Variants in TTN observed in about 807,000 individuals in gnomAD.
TTN encodes connectin.
A neutral mutation model predicts 3,223.0 loss-of-function variants in TTN; 1,525 were observed. The ratio of observed to expected loss-of-function variants is 0.47; its 90% CI spans 0.45 to 0.49. The LOEUF (loss-of-function observed/expected upper bound fraction) is 0.49, where lower values mean the gene tolerates loss of function less well. Ranked by LOEUF, TTN falls within the 20% of genes least tolerant of loss-of-function variation. The probability of loss-of-function intolerance (pLI) is 0.00; values close to 1 mark genes in which losing one functional copy is unlikely to be tolerated. For synonymous variants in TTN, 14,094 were observed against 15,161.0 expected (o/e 0.93, Z 5.17); for missense variants, 40,786 against 43,424.0 (o/e 0.94, Z 5.40).
chr2:178,584,024 A>G, intron 311 of TTN, 118 bp from the exon 312 acceptor site: 1 of 1,214,846 alleles, frequency 8.2e-7, no homozygotes, highest in Non-Finnish European at 1.1e-6. Context: ...CAATTATCCC[A>G]TTTTAATAAC....
In TTN at chr2:178,537,975, G is replaced by C. The variant is rs534509580; in HGVS notation, c.99290-58C>G. 219 of 1,391,604 alleles carry C rather than the reference G, an allele frequency of 1.6e-4. 1 individual carries two copies. In the African/African-American group the frequency reaches 2.6e-3, roughly 17 times the overall value. 86.2% of individuals were successfully genotyped at this position (1,391,604 alleles called of 1,614,324 possible). A position where few individuals can be genotyped will look rare whatever the true frequency, so the allele number is the denominator to read the frequency against. On this transcript the variant is annotated intron_variant, in intron 354 of 362. Transcript: ENST00000589042. ...GTTAATACTCAATCTGTAATCCTTT[G>C]TCCTTGTATATCAGGAATGAATTTA...
Position 178,580,583 on chromosome 2 carries a change from C to T in TTN, c.66796G>A (p.Asp22266Asn). The change falls in exon 317 of 363, where the codon GAC (aspartate) becomes AAC (asparagine). Residue 22266 changes from aspartate to asparagine, a missense_variant. Transcript: ENST00000589042. ...LIPPEGELDA[D>N]LRKTLILRAG... is the part of the protein sequence containing the mutation. ...CGTAATATGAGTGTCTTCCTTAAGT[C>T]CGCATCAAGTTCTCCCTCAGGTGGA... is the stretch of plus-strand genomic sequence containing the variant. The T allele has an allele frequency of 6.2e-7, 1 of 1,611,146 alleles. No individual in the cohort carries two copies. The highest frequency in any genetic ancestry group is 8.5e-7 in the Non-Finnish European group (1 of 1,178,900).
Position 178,560,544 on chromosome 2 carries a change from T to C in TTN, c.85588A>G (p.Lys28530Glu). The C allele has an allele frequency of 6.2e-7, 1 of 1,613,426 alleles. No individual in the cohort carries two copies. The highest frequency in any genetic ancestry group is 2.2e-5 in the East Asian group (1 of 44,742). ...EYIFRVTGVNKYGVGEPLESV... is the reference protein window; with the variant it reads ...EYIFRVTGVNEYGVGEPLESV... The stretch of plus-strand genomic sequence containing the variant: ...TCTAGGGGCTCACCAACACCATATT[T>C]ATTAACACCAGTTACTCTAAATATA... The change falls in exon 326 of 363, where the codon AAA becomes GAA. Residue 28530 changes from lysine (K) to glutamate (E), a missense_variant. Lys to Glu is a moderately conservative substitution (Grantham distance 56). Coordinates refer to ENST00000589042, the MANE Select transcript of TTN (RefSeq NM_001267550.2).
At chr2:178,600,615 T>C (rs2053123361) in intron 288 of TTN, 3 of 531,388 alleles carry the variant, frequency 5.6e-6, no homozygotes, top group Non-Finnish European at 6.7e-6. Flanking sequence ...CGAGGAAAAT[T>C]ACAGCGAGGA....
At chr2:178,704,486 T>C in intron 105 of TTN, 24 bp downstream of exon 105, 1 of 1,598,586 alleles carries the variant, frequency 6.3e-7, no homozygotes, top group African/African-American at 1.3e-5. Context: ...CTCACAAGTA[T>C]TTCATAAGCC....
chr2:178,773,698 T>G lies in TTN; in HGVS notation c.7358A>C (p.Asp2453Ala). The G allele has an allele frequency of 6.2e-7, 1 of 1,614,074 alleles. No homozygotes were observed. The highest frequency in any genetic ancestry group is 8.5e-7 in the Non-Finnish European group (1 of 1,179,986). ...YSVDVITPLK[D>A]VNVIEGTKAV... ...CTTGGTGCCTTCAATCACATTAACA[T>G]CTTTTAGAGGTGTTATCACGTCCAC... The change falls in exon 32 of 363, where the codon GAT (aspartate) becomes GCT (alanine). Residue 2453 changes from aspartate (D) to alanine (A), a missense_variant. Coordinates refer to ENST00000589042, the MANE Select transcript of TTN (RefSeq NM_001267550.2).
Position 178,554,064 on chromosome 2 carries a change from C to T in TTN, c.89047G>A (p.Val29683Ile), listed in dbSNP as rs749433506. 3 of 1,613,876 alleles carry T rather than the reference C, an allele frequency of 1.9e-6. No individual in the cohort carries two copies. The highest frequency in any genetic ancestry group is 4.5e-5 in the East Asian group (2 of 44,870). Reference protein sequence around the residue: ...RDKKSLGWFKVLKETIRDTRQ... With the variant: ...RDKKSLGWFKILKETIRDTRQ... ...GTGTCACGGATAGTCTCTTTTAGTA[C>T]TTTAAACCATCCTAGGCTCTTCTTG... The change falls in exon 333 of 363, where the codon GTA becomes ATA. Residue 29683 changes from valine (V) to isoleucine (I), a missense_variant. Coordinates refer to ENST00000589042, the MANE Select transcript of TTN (RefSeq NM_001267550.2).
chr2:178,706,454 T>C lies in TTN; in HGVS notation c.29420A>G (p.Lys9807Arg). The C allele has an allele frequency of 6.2e-6, 10 of 1,608,472 alleles. No homozygotes were observed. The highest frequency in any genetic ancestry group is 8.5e-6 in the Non-Finnish European group (10 of 1,176,668). The change falls in exon 102 of 363, where the codon AAG (lysine) becomes AGG (arginine). Residue 9807 changes from lysine to arginine, a missense_variant and splice_region_variant. Physicochemically the swap from Lys to Arg is conservative, Grantham distance 26. Coordinates refer to ENST00000589042, the MANE Select transcript of TTN (RefSeq NM_001267550.2). The part of the protein sequence containing the change: ...IEGDLRAMLK[K>R]TPILKKGAGE... ...GATTTGTGGTTTTTATTGAACTCAC[T>C]TTTTCAGCATTGCTCTAAGATCGCC... is the stretch of plus-strand genomic sequence containing the variant.
rs146847928 is a variant in TTN, at chr2:178,733,370, C to T, written c.15923G>A (p.Arg5308Gln). 4.2e-5 allele frequency: 67 copies of T among 1,613,740 alleles called. No homozygotes were observed. The highest frequency in any genetic ancestry group is 1.7e-4 in the Middle Eastern group (1 of 6,058). ...GGCAACATTGTTTTTAAAACTTATT[C>T]GGTATTTTTTACTGGCGACCAAGGG... ...GRPLVASKKY[R>Q]ISFKNNVAQL... The change falls in exon 54 of 363, where the codon CGA becomes CAA. Residue 5308 changes from arginine (R) to glutamine (Q), a missense_variant. Transcript: ENST00000589042.
chr2:178,586,841 G>C, intron 307 of TTN, 34 bp from the exon 308 acceptor site: 1 of 1,596,834 alleles, frequency 6.3e-7, no homozygotes, highest in African/African-American at 1.4e-5. Flanking sequence ...AGATTACCTA[G>C]GTAACCTAAT....
rs727505075 is a variant in TTN, at chr2:178,620,428, AGCCACAGTCTTTAAT to A, written c.46078_46092del (p.Ile15360_Gly15364del). The A allele has an allele frequency of 1.9e-6, 3 of 1,612,308 alleles. No individual in the cohort carries two copies. Among genetic ancestry groups the A allele is most frequent in the Non-Finnish European group, 2.5e-6 (3 of 1,178,922 alleles). ...ACAATGTATTCACCTTCATCTGGGAAGCCACAGTCTTTAATGGTTAACATGTGCTTGTACTTATCA... is the reference window on the plus strand; with the variant it reads ...ACAATGTATTCACCTTCATCTGGGAAGGTTAACATGTGCTTGTACTTATCA... On this transcript the variant is annotated inframe_deletion, in exon 248 of 363. Coordinates refer to ENST00000589042, the MANE Select transcript of TTN (RefSeq NM_001267550.2).
chr2:178,673,027 A>G (rs1487682393), intron 152 of TTN, among the ~76,000 whole-genome samples: 1 of 151,696 alleles, frequency 6.6e-6, no homozygotes, highest in African/African-American at 2.4e-5. Flanking sequence ...ATTGTAGAGT[A>G]TTTAAGCCCT....
chr2:178,625,464 GATAAAA>G, intron 240 of TTN, 68 bp from the exon 241 acceptor site: 1 of 1,428,108 alleles, frequency 7.0e-7, no homozygotes, highest in Non-Finnish European at 9.1e-7. Context: ...AATTCATTTA[GATAAAA>G]ATAAATGGAA....
chr2:178,702,413 C>T, intron 107 of TTN, 41 bp downstream of exon 107: 1 of 1,611,784 alleles, frequency 6.2e-7, no homozygotes, highest in Non-Finnish European at 8.5e-7. Flanking sequence ...ACAGACGAGG[C>T]TTAAATTATA....
intron 94 of TTN, 22 bp downstream of exon 94, chr2:178,712,675 C>A: frequency 6.2e-7 from 1 of 1,609,178 alleles, no homozygotes; most frequent in Non-Finnish European, 8.5e-7. Flanking sequence ...TCGTATAAAT[C>A]TAGAAGAGCA....
In TTN at chr2:178,572,265, T is replaced by G. The variant is rs559112722; in HGVS notation, c.73867A>C (p.Ile24623Leu). 6.2e-7 allele frequency: 1 copy of G among 1,613,246 alleles called. No individual in the cohort carries two copies. Among genetic ancestry groups the G allele is most frequent in the East Asian group, 2.2e-5 (1 of 44,744 alleles). Reference protein sequence around the residue: ...ASERPLPPGKITLMDVTRNSV... With the variant: ...ASERPLPPGKLTLMDVTRNSV... The stretch of plus-strand genomic sequence containing the variant: ...TTTCTTGTGACATCCATCAAAGTTA[T>G]TTTTCCTGGAGGAAGAGGTCGTTCT... The change falls in exon 326 of 363, where the codon ATA (isoleucine) becomes CTA (leucine). Residue 24623 changes from isoleucine to leucine, a missense_variant. By Grantham distance (5) the Ile-to-Leu change is conservative. Transcript: ENST00000589042.
chr2:178,771,351 A>G lies in TTN; in HGVS notation c.7976T>C (p.Leu2659Pro). Residue 2659 changes from leucine to proline, a missense_variant, in exon 34 of 363, where the codon CTA (leucine) becomes CCA (proline). Transcript: ENST00000589042. ...ACTTCTGATGTTGTTAGTCAGTGGT[A>G]GGTGTTTGCCATCCCTCAACCATTC... is the stretch of plus-strand genomic sequence containing the variant. Reference protein sequence around the residue: ...KGEWLRDGKHLPLTNNIRSES... With the variant: ...KGEWLRDGKHPPLTNNIRSES... 6.2e-7 allele frequency: 1 copy of G among 1,614,062 alleles called. No individual in the cohort carries two copies. Among genetic ancestry groups the G allele is most frequent in the Non-Finnish European group, 8.5e-7 (1 of 1,179,986 alleles).
intron 47 of TTN, chr2:178,751,649 T>C (rs2085539269): frequency 1.9e-6 from 3 of 1,613,310 alleles, no homozygotes; most frequent in African/African-American, 1.3e-5. Flanking sequence ...CCCTTCACTA[T>C]TAATTGCTAG....
intron 47 of TTN, chr2:178,748,738 TA>T: frequency 6.2e-7 from 1 of 1,612,694 alleles, no homozygotes; most frequent in Non-Finnish European, 8.5e-7. Context: ...CTATAAGACT[TA>T]TTTTTTCCTG....
Sources: gnomAD v4.1 joint callset for allele counts (sites outside exome capture counted in the v4.1 genomes callset) on GRCh38, gnomAD v4.1.1 for gene constraint, MANE v1.5 for transcripts, NCBI Gene and HGNC (gene_info 2026-07-23, HGNC 2026-07-21) for gene names.